The following PFKFB3 variants were observed in gnomAD, a reference collection of about 807,000 sequenced individuals.
The protein encoded by PFKFB3 is 6-phosphofructo-2-kinase/fructose-2,6-bisphosphatase 3.
A neutral mutation model predicts 68.0 loss-of-function variants in PFKFB3; 33 were observed. The observed-to-expected ratio is 0.49, with a 90% CI of 0.37 to 0.65. The LOEUF is 0.65. Among genes scored for constraint, PFKFB3 ranks in the 30% least tolerant of loss-of-function variants. The pLI is 0.00. For synonymous variants in PFKFB3, 315 were observed against 288.2 expected, an observed-to-expected ratio of 1.09 and a Z score of -0.94; for missense variants, 586 against 712.2, an observed-to-expected ratio of 0.82 and a Z score of 2.02.
rs368231126 is a variant in PFKFB3, at chr10:6,221,695, T to A, written c.1033T>A (p.Tyr345Asn). The change falls in exon 10 of 15, where the codon TAT (tyrosine) becomes AAT (asparagine). Residue 345 changes from tyrosine to asparagine, a missense_variant. Coordinates refer to ENST00000379775, the MANE Select transcript of PFKFB3 (RefSeq NM_004566.4). ...EEIRDTYPEE[Y>N]ALREQDKYYY... The stretch of plus-strand genomic sequence containing the variant: ...GATCAGGGACACCTACCCTGAGGAG[T>A]ATGCGCTGCGGGAGCAGGACAAGTA... 1.8e-5 allele frequency: 29 copies of A among 1,609,918 alleles called. No individual in the cohort carries two copies. The highest frequency in any genetic ancestry group is 2.3e-5 in the Non-Finnish European group (27 of 1,178,792).
chr10:6,302,362 G>GTTTTTTTTTTTTTTTTT, the PFKFB3 span, among the ~76,000 whole-genome samples: 1 of 78,494 alleles, frequency 1.3e-5, no homozygotes, highest in African/African-American at 6.5e-5. Context: ...TGCCTGGCCA[G>GTTTTTTTTTTTTTTTTT]TTTTTTTTTT....
At chr10:6,227,332 C>T (rs544432824) in intron 14 of PFKFB3, among the ~76,000 whole-genome samples, 33 of 152,284 alleles carry the variant, frequency 2.2e-4, no homozygotes, top group African/African-American at 6.7e-4. Flanking sequence ...GGCCTGCCCC[C>T]ACAAATCAGC....
At chr10:6,205,208 T>TAC (rs150244713) in intron 1 of PFKFB3, among the ~76,000 whole-genome samples, 30,756 of 152,094 alleles carry the variant, frequency 0.2, 3,812 homozygotes, top group East Asian at 0.4. Context: ...TGTAAAAAGA[T>TAC]CCGCAGCCTG....
At position 6,214,517 on chromosome 10, in the gene PFKFB3, T is replaced by C. The variant is rs2131941547; in HGVS notation, c.203-704T>C. On this transcript the variant is annotated intron_variant, in intron 2 of 14. Transcript: ENST00000379775. The stretch of plus-strand genomic sequence containing the variant: ...CATCTTGTGGATAGGCACTGGGTAT[T>C]TTTTTTTTTTCAATTAATTTTATTT... Among the ~76,000 whole-genome samples the C allele has an allele frequency of 1.3e-5, 2 of 149,838 alleles. 1 individual carries two copies. The highest frequency in any genetic ancestry group is 4.9e-5 in the African/African-American group (2 of 41,052).
In PFKFB3 at chr10:6,215,266, G is replaced by A; in HGVS notation, c.248G>A (p.Ser83Asn). Residue 83 changes from serine (S) to asparagine (N), a missense_variant, in exon 3 of 15, where the codon AGC becomes AAC. Coordinates refer to ENST00000379775, the MANE Select transcript of PFKFB3 (RefSeq NM_004566.4). This position sits in a 1 kb window ranked among gnomAD's most constrained non-coding sequence, Gnocchi z 4.3. ...EYRREAVKQY[S>N]SYNFFRPDNE... ...CGCCGGGAGGCTGTGAAGCAGTACA[G>A]CTCCTACAACTTCTTCCGCCCCGAC... 1 of 1,614,058 alleles carries A rather than the reference G, an allele frequency of 6.2e-7. No homozygotes were observed. The highest frequency in any genetic ancestry group is 8.5e-7 in the Non-Finnish European group (1 of 1,180,018).
intron 14 of PFKFB3, among the ~76,000 whole-genome samples, chr10:6,240,847 C>T (rs766180936): frequency 1.5e-4 from 23 of 152,074 alleles, no homozygotes; most frequent in Non-Finnish European, 2.9e-4. Flanking sequence ...CTCACTCTTT[C>T]CTTTTTATTT....
At chr10:6,284,363 T>A in the PFKFB3 span, among the ~76,000 whole-genome samples, 1 of 152,212 alleles carries the variant, frequency 6.6e-6, no homozygotes, top group African/African-American at 2.4e-5. Flanking sequence ...GATGCTCTGT[T>A]ATTAGGCACA....
At chr10:6,181,244 C>T (rs1285358554) in intron 1 of PFKFB3, among the ~76,000 whole-genome samples, 1 of 152,212 alleles carries the variant, frequency 6.6e-6, no homozygotes, top group Admixed American at 6.5e-5. Context: ...TGGTCTCAAA[C>T]TCCTGGCCTG....
At position 6,216,013 on chromosome 10, in the gene PFKFB3, T is replaced by C. The variant is rs189679262; in HGVS notation, c.300-112T>C. The C allele has an allele frequency of 1.4e-4, 137 of 996,074 alleles. 1 individual carries two copies. The highest frequency in any genetic ancestry group is 1.3e-4 in the Non-Finnish European group (83 of 626,294). The allele number at this position is 996,074 out of a possible 1,614,324, so 61.7% of individuals were successfully genotyped here. A position where few individuals can be genotyped will look rare whatever the true frequency, so the allele number is the denominator to read the frequency against. On this transcript the variant is annotated intron_variant, in intron 3 of 14. Coordinates refer to ENST00000379775, the MANE Select transcript of PFKFB3 (RefSeq NM_004566.4). ...GGCCAGCCTGCCCAGCGCTAAGCAG[T>C]GTAGAATGGAACCACCAGTTACTCT...
intron 1 of PFKFB3, among the ~76,000 whole-genome samples, chr10:6,145,857 G>C (rs1178872046): frequency 3.3e-5 from 5 of 152,212 alleles, no homozygotes; most frequent in Admixed American, 3.3e-4. Flanking sequence ...CCCGCACCGG[G>C]GGGTCCCAGC....
intron 8 of PFKFB3, 42 bp from the exon 9 acceptor site, chr10:6,221,339 G>A: frequency 6.2e-7 from 1 of 1,609,762 alleles, no homozygotes; most frequent in Non-Finnish European, 8.5e-7. Flanking sequence ...TGGAGGAGCT[G>A]CGGGCATCTG....
chr10:6,314,830 C>T, the PFKFB3 span, among the ~76,000 whole-genome samples: 3 of 152,176 alleles, frequency 2.0e-5, no homozygotes. Flanking sequence ...TCATGAGAAG[C>T]TGATGTGGAA....
At chr10:6,207,792 A>G (rs1843895806) in intron 1 of PFKFB3, among the ~76,000 whole-genome samples, 1 of 152,232 alleles carries the variant, frequency 6.6e-6, no homozygotes, top group South Asian at 2.1e-4. Context: ...CTTCGCATGC[A>G]TCCTGTAACT....
intron 14 of PFKFB3, among the ~76,000 whole-genome samples, chr10:6,245,360 G>A (rs1263976564): frequency 1.3e-5 from 2 of 151,474 alleles, no homozygotes; most frequent in Admixed American, 1.3e-4. Flanking sequence ...CTCCCAAAGT[G>A]CTAGGATTAC....
intron 1 of PFKFB3, among the ~76,000 whole-genome samples, chr10:6,167,506 C>A (rs2131733467): frequency 6.6e-6 from 1 of 152,324 alleles, no homozygotes; most frequent in Non-Finnish European, 1.5e-5. Flanking sequence ...CATTTTAACA[C>A]ATTTTAAGCC....
chr10:6,299,540 AG>A, the PFKFB3 span, among the ~76,000 whole-genome samples: 1 of 152,192 alleles, frequency 6.6e-6, no homozygotes, highest in Non-Finnish European at 1.5e-5. Context: ...GATCTTTCGC[AG>A]GGATATATTG....
the PFKFB3 span, among the ~76,000 whole-genome samples, chr10:6,292,278 CTTTTTTTTTTTTTTTTTTT>C: frequency 1.8e-5 from 1 of 54,280 alleles, no homozygotes; most frequent in African/African-American, 8.4e-5. Context: ...TTTTTTTTTT[CTTTTTTTTTTTTTTTTTTT>C]TTTTTGAGAC....
At chr10:6,311,713 C>T in the PFKFB3 span, among the ~76,000 whole-genome samples, 6 of 151,768 alleles carry the variant, frequency 4.0e-5, no homozygotes, top group Non-Finnish European at 7.4e-5. Flanking sequence ...TGCACCACTG[C>T]ACGTCAGCGT....
the PFKFB3 span, among the ~76,000 whole-genome samples, chr10:6,316,909 A>G: frequency 7.9e-5 from 12 of 152,208 alleles, no homozygotes; most frequent in African/African-American, 2.6e-4. Context: ...CCCCTGCCCA[A>G]TTGCATTTTG....
Sources: allele counts gnomAD v4.1 joint callset (sites outside exome capture counted in the v4.1 genomes callset), GRCh38; gene constraint gnomAD v4.1.1; non-coding constraint Gnocchi (gnomAD v3.1); transcripts MANE v1.5; gene names NCBI Gene and HGNC (gene_info 2026-07-23, HGNC 2026-07-21).